Variants in PRX observed in about 807,000 individuals in gnomAD.
The protein encoded by PRX is periaxin.
A neutral mutation model predicts 29.6 loss-of-function variants in PRX; 24 were observed. That is an observed-to-expected ratio of 0.81 (90% confidence interval 0.59 to 1.14). The LOEUF (loss-of-function observed/expected upper bound fraction) is 1.14. Among genes scored for constraint, PRX ranks in the 50% most tolerant of loss-of-function variants. The pLI is 0.00. For synonymous variants in PRX, 772 were observed against 831.7 expected (o/e 0.93, Z 1.24); for missense variants, 1,838 against 1,926.4 (o/e 0.95, Z 0.86).
chr19:40,395,139 C>T lies in PRX; in HGVS notation c.3213G>A (p.Gly1071=). ...LKMPSFGLAR[G]KEAEVQGDRA... ...GATCACCTTGAACTTCTGCTTCCTT[C>T]CCTCGAGCCAGCCCAAAGGAAGGCA... is the stretch of plus-strand genomic sequence containing the variant. Residue 1071 remains glycine (G), a synonymous_variant, in exon 7 of 7, where the codon GGG becomes GGA. Transcript: ENST00000324001. The T allele has an allele frequency of 1.2e-6, 2 of 1,614,176 alleles. No homozygotes were observed. Among genetic ancestry groups the T allele is most frequent in the Non-Finnish European group, 8.5e-7 (1 of 1,180,026 alleles).
rs1345216151 is a variant in PRX at position 40,398,962 on chromosome 19, T to G, written c.185-146A>C. Reference sequence around the variant, plus strand: ...TCCCCAGCGCAGGATTAAGTCGCAGTTACGCTAGTCCCCGCCCCATGACCT... The same window carrying G: ...TCCCCAGCGCAGGATTAAGTCGCAGGTACGCTAGTCCCCGCCCCATGACCT... On this transcript the variant is annotated intron_variant, in intron 5 of 6. Transcript: ENST00000324001. The surrounding 1 kb of genome is among the most constrained non-coding windows in gnomAD (Gnocchi z 6.3). 1 of 1,491,126 alleles carries G rather than the reference T, an allele frequency of 6.7e-7. No individual in the cohort carries two copies. Among genetic ancestry groups the G allele is most frequent in the Non-Finnish European group, 9.0e-7 (1 of 1,117,102 alleles). The allele number at this position is 1,491,126 out of a possible 1,614,324, so 92.4% of individuals were successfully genotyped here. A position where few individuals can be genotyped will look rare whatever the true frequency, so the allele number is the denominator to read the frequency against.
chr19:40,396,013 G>A lies in PRX; in HGVS notation c.2339C>T (p.Pro780Leu), dbSNP rs371562775. The change falls in exon 7 of 7, where the codon CCG becomes CTG. Residue 780 changes from proline to leucine, a missense_variant. Physicochemically the swap from Pro to Leu is moderately conservative, Grantham distance 98 (BLOSUM62 -3). This residue lies in a region of PRX where 1,143 missense variants were observed against 1,193.0 expected (regional missense o/e 0.96). Transcript: ENST00000324001. ...KAPEVKLPRA[P>L]EVQLKATKAE... is the part of the protein sequence containing the mutation. ...CTTGGTGGCCTTTAGCTGCACCTCC[G>A]GAGCCCTGGGCAGCTTCACCTCTGG... is the stretch of plus-strand genomic sequence containing the variant. The A allele has an allele frequency of 6.2e-6, 10 of 1,613,936 alleles. No homozygotes were observed. The highest frequency in any genetic ancestry group is 4.4e-5 in the South Asian group (4 of 91,092).
At chr19:40,409,456 A>ATTC (rs561337917) in intron 1 of PRX, among the ~76,000 whole-genome samples, 1 of 146,028 alleles carries the variant, frequency 6.8e-6, no homozygotes, top group African/African-American at 2.5e-5. Context: ...ACTTGCTATT[A>ATTC]TTATTATTAT....
rs747153697 is a variant in PRX at position 40,396,007 on chromosome 19, A to C, written c.2345T>G (p.Val782Gly). 5 of 1,613,792 alleles carry C rather than the reference A, an allele frequency of 3.1e-6. No homozygotes were observed. Among genetic ancestry groups the C allele is most frequent in the Non-Finnish European group, 3.4e-6 (4 of 1,180,030 alleles). ...PEVKLPRAPE[V>G]QLKATKAEQA... ...TTCTGCCTTGGTGGCCTTTAGCTGC[A>C]CCTCCGGAGCCCTGGGCAGCTTCAC... Residue 782 changes from valine (V) to glycine (G), a missense_variant, in exon 7 of 7, where the codon GTG (valine) becomes GGG (glycine). Around this residue, in one of 3 missense-constraint regions of PRX, gnomAD observed 1,143 missense variants for 1,193.0 expected, o/e 0.96. Coordinates refer to ENST00000324001, the MANE Select transcript of PRX (RefSeq NM_181882.3).
chr19:40,409,101 C>A (rs994567399), intron 1 of PRX, among the ~76,000 whole-genome samples: 1 of 152,124 alleles, frequency 6.6e-6, no homozygotes, highest in African/African-American at 2.4e-5. Flanking sequence ...ATCAGCCCAC[C>A]TTGGCCTCCC....
rs995096822 is a variant in PRX, at chr19:40,398,167, A to G, written c.382-197T>C. ...AGCAGGCAGCCATCTAGGATCTCCAAATGAGTCAACAGGAGTGTAGGGACG... is the reference window on the plus strand; with the variant it reads ...AGCAGGCAGCCATCTAGGATCTCCAGATGAGTCAACAGGAGTGTAGGGACG... On this transcript the variant is annotated intron_variant, in intron 6 of 6. Transcript: ENST00000324001. This position sits in a 1 kb window ranked among gnomAD's most constrained non-coding sequence, Gnocchi z 6.3. 4.2e-6 allele frequency: 6 copies of G among 1,429,848 alleles called. No homozygotes were observed. The highest frequency in any genetic ancestry group is 5.5e-6 in the Non-Finnish European group (6 of 1,096,858). 88.6% of individuals were successfully genotyped at this position (1,429,848 alleles called of 1,614,324 possible).
chr19:40,394,453 G>A lies in PRX; in HGVS notation c.3899C>T (p.Ala1300Val). 6.2e-7 allele frequency: 1 copy of A among 1,601,736 alleles called. No homozygotes were observed. Among genetic ancestry groups the A allele is most frequent in the Non-Finnish European group, 8.5e-7 (1 of 1,174,440 alleles). Residue 1300 changes from alanine (A) to valine (V), a missense_variant, in exon 7 of 7, where the codon GCC (alanine) becomes GTC (valine). By Grantham distance (64) the Ala-to-Val change is moderately conservative. This residue lies in a region of PRX where 1,143 missense variants were observed against 1,193.0 expected (regional missense o/e 0.96). Transcript: ENST00000324001. The surrounding 1 kb of genome is among the most constrained non-coding windows in gnomAD (Gnocchi z 5.8). ...EYQVAEGEGE[A>V]GHKLKVRLPR... ...CAGCCGTACCTTGAGCTTGTGTCCG[G>A]CCTCTCCCTCCCCCTCTGCCACCTG...
intron 5 of PRX, among the ~76,000 whole-genome samples, chr19:40,401,691 T>C (rs954857045): frequency 6.6e-5 from 10 of 152,038 alleles, no homozygotes; most frequent in African/African-American, 2.4e-4. Flanking sequence ...GCATTTTTGC[T>C]GTCTGTTCCC....
chr19:40,397,479 C>A lies in PRX; in HGVS notation c.873G>T (p.Gln291His). Residue 291 changes from glutamine (Q) to histidine (H), a missense_variant, in exon 7 of 7, where the codon CAG (glutamine) becomes CAT (histidine). This residue lies in a region of PRX where 666 missense variants were observed against 665.0 expected (regional missense o/e 1.00). Transcript: ENST00000324001. ...PAVEAPAVGI[Q>H]VPQVELPALP... ...AGGCAGGCAGCTCCACCTGGGGGAC[C>A]TGGATTCCCACGGCTGGGGCCTCCA... The A allele has an allele frequency of 6.4e-7, 1 of 1,569,042 alleles. No homozygotes were observed.
At chr19:40,406,583 G>A (rs1444864128) in intron 4 of PRX, among the ~76,000 whole-genome samples, 1 of 152,048 alleles carries the variant, frequency 6.6e-6, no homozygotes, top group South Asian at 2.1e-4. Flanking sequence ...CTCGCCCCCA[G>A]TAGCAGCTTG....
intron 4 of PRX, 137 bp from the exon 5 acceptor site, chr19:40,403,999 C>T: frequency 3.9e-6 from 4 of 1,024,934 alleles, no homozygotes; most frequent in South Asian, 1.6e-5. Flanking sequence ...GACGGTCTCG[C>T]CACACTGCCC....
chr19:40,395,812 A>G lies in PRX; in HGVS notation c.2540T>C (p.Val847Ala). Residue 847 changes from valine to alanine, a missense_variant, in exon 7 of 7, where the codon GTG (valine) becomes GCG (alanine). By Grantham distance (64) the Val-to-Ala change is moderately conservative. Coordinates refer to ENST00000324001, the MANE Select transcript of PRX (RefSeq NM_181882.3). Reference sequence around the variant, plus strand: ...AGGCAGAGTGAGAGAGGGGACACCCACATGAGCCTCACCATCCACCTCTGG... The same window carrying G: ...AGGCAGAGTGAGAGAGGGGACACCCGCATGAGCCTCACCATCCACCTCTGG... ...LQPEVDGEAH[V>A]GVPSLTLPSV... 1 of 1,614,200 alleles carries G rather than the reference A, an allele frequency of 6.2e-7. No homozygotes were observed. The highest frequency in any genetic ancestry group is 1.3e-5 in the African/African-American group (1 of 75,050).
At chr19:40,412,964 C>T (rs1284179079) in intron 1 of PRX, among the ~76,000 whole-genome samples, 2 of 152,174 alleles carry the variant, frequency 1.3e-5, no homozygotes, top group African/African-American at 4.8e-5. Flanking sequence ...TGGGCTTAAG[C>T]AGTCCTGCCG....
intron 1 of PRX, among the ~76,000 whole-genome samples, chr19:40,408,868 T>A (rs897542396): frequency 6.6e-6 from 1 of 151,778 alleles, no homozygotes; most frequent in African/African-American, 2.4e-5. Flanking sequence ...TTTTGCTCTG[T>A]CACCTAGGCT....
chr19:40,400,816 C>T (rs2079489410), intron 5 of PRX, among the ~76,000 whole-genome samples: 1 of 152,064 alleles, frequency 6.6e-6, no homozygotes, highest in South Asian at 2.1e-4. Context: ...GCTCAAGTCA[C>T]CCCTTGGGAA....
Position 40,394,320 on chromosome 19 carries a change from G to T in PRX, c.4032C>A (p.Val1344=). 6.2e-7 allele frequency: 1 copy of T among 1,609,892 alleles called. No homozygotes were observed. The highest frequency in any genetic ancestry group is 8.5e-7 in the Non-Finnish European group (1 of 1,178,048). ...CGGGGCTGGGGGACCCTTCCCCAGT[G>T]ACCATCTCACTTTGGCTGAAGCCCA... is the stretch of plus-strand genomic sequence containing the variant. ...PRVGFSQSEM[V]TGEGSPSPEE... The change falls in exon 7 of 7, where the codon GTC becomes GTA. Residue 1344 remains valine (V), a synonymous_variant. Coordinates refer to ENST00000324001, the MANE Select transcript of PRX (RefSeq NM_181882.3). This position sits in a 1 kb window ranked among gnomAD's most constrained non-coding sequence, Gnocchi z 5.8.
rs1400891938 is a variant in PRX, at chr19:40,397,219, G to A, written c.1133C>T (p.Ala378Val). The change falls in exon 7 of 7, where the codon GCC becomes GTC. Residue 378 changes from alanine (A) to valine (V), a missense_variant. Ala to Val is a moderately conservative substitution (Grantham distance 64). Around this residue, in one of 3 missense-constraint regions of PRX, gnomAD observed 666 missense variants for 665.0 expected, o/e 1.00. Coordinates refer to ENST00000324001, the MANE Select transcript of PRX (RefSeq NM_181882.3). The part of the protein sequence containing the change: ...RAKEVAEAKV[A>V]KVSPEARVKG... ...CACCCTGGCCTCAGGGCTGACCTTG[G>A]CTACCTTGGCCTCAGCAACTTCCTT... 1 of 1,613,834 alleles carries A rather than the reference G, an allele frequency of 6.2e-7. No individual in the cohort carries two copies. Among genetic ancestry groups the A allele is most frequent in the Non-Finnish European group, 8.5e-7 (1 of 1,180,026 alleles).
chr19:40,405,938 C>CTT (rs1276538423), intron 4 of PRX, among the ~76,000 whole-genome samples: 3 of 144,068 alleles, frequency 2.1e-5, no homozygotes, highest in East Asian at 2.0e-4. Flanking sequence ...CGCCCGGCCT[C>CTT]TTTTTTTTTT....
chr19:40,395,661 T>G lies in PRX; in HGVS notation c.2691A>C (p.Arg897=). 6.2e-7 allele frequency: 1 copy of G among 1,614,158 alleles called. No individual in the cohort carries two copies. The highest frequency in any genetic ancestry group is 8.5e-7 in the Non-Finnish European group (1 of 1,180,036). ...GGGTGACAATTTCAACAGAGGGCAC[T>G]CGGAAGCCCACTTCCCTGACCCCTG... ...VAAGVREVGF[R]VPSVEIVTPQ... is the part of the protein sequence containing the mutation. The change falls in exon 7 of 7, where the codon CGA becomes CGC. Residue 897 remains arginine (R), a synonymous_variant. Transcript: ENST00000324001.
Sources: allele counts gnomAD v4.1 joint callset (sites outside exome capture counted in the v4.1 genomes callset), GRCh38; gene constraint gnomAD v4.1.1; regional missense constraint gnomAD v4.1.1; non-coding constraint Gnocchi (gnomAD v3.1); transcripts MANE v1.5; gene names NCBI Gene and HGNC (gene_info 2026-07-23, HGNC 2026-07-21).